UBE3C: variants seen among roughly 807,000 people sequenced by gnomAD.
UBE3C encodes the protein ubiquitin-protein ligase E3C.
A neutral mutation model predicts 129.4 loss-of-function variants in UBE3C; 42 were observed. The observed-to-expected ratio is 0.32, with a 90% CI of 0.25 to 0.42. UBE3C has a LOEUF of 0.42. Among genes scored for constraint, UBE3C ranks in the 10% least tolerant of loss-of-function variants. UBE3C has a pLI of 1.00. For synonymous variants in UBE3C, 510 were observed against 492.4 expected (o/e 1.04, Z -0.47); for missense variants, 1,049 against 1,319.1 (o/e 0.80, Z 3.17).
intron 2 of UBE3C, among the ~76,000 whole-genome samples, chr7:157,165,291 C>T (rs181463692): frequency 2.0e-3 from 297 of 152,082 alleles, no homozygotes; most frequent in Non-Finnish European, 3.9e-3. Flanking sequence ...CCCATATTTC[C>T]CTCATGTGCT....
At chr7:157,142,280 A>T (rs140963979) in intron 1 of UBE3C, among the ~76,000 whole-genome samples, 2,047 of 152,334 alleles carry the variant, frequency 0.013, 19 homozygotes, top group Admixed American at 0.022. Flanking sequence ...GCTTAGTGGA[A>T]AATGGAGTGG....
In UBE3C at chr7:157,163,318, C is replaced by T. The variant is rs1056329859; in HGVS notation, c.67-492C>T. ...AGGAGAATGGCGTGAACCCGGGAGG[C>T]GGAGCTTGCAGTGAGCCGAGATCAC... On this transcript the variant is annotated intron_variant, in intron 1 of 22. Coordinates refer to ENST00000348165, the MANE Select transcript of UBE3C (RefSeq NM_014671.3). Among the ~76,000 whole-genome samples, 3 of 142,422 alleles carry T rather than the reference C, an allele frequency of 2.1e-5. No homozygotes were observed. In the Admixed American group the frequency reaches 2.2e-4, roughly 11 times the overall value. 93.4% of individuals were successfully genotyped at this position (142,422 alleles called of 152,430 possible). A position where few individuals can be genotyped will look rare whatever the true frequency, so the allele number is the denominator to read the frequency against.
In UBE3C at chr7:157,256,948, C is replaced by T. The variant is rs1235686448; in HGVS notation, c.2985C>T (p.Val995=). 1 of 1,614,134 alleles carries T rather than the reference C, an allele frequency of 6.2e-7. No individual in the cohort carries two copies. Among genetic ancestry groups the T allele is most frequent in the South Asian group, 1.1e-5 (1 of 91,076 alleles). Residue 995 remains valine (V), a synonymous_variant, in exon 22 of 23, where the codon GTC becomes GTT. Coordinates refer to ENST00000348165, the MANE Select transcript of UBE3C (RefSeq NM_014671.3). ...GYSADHPVIK[V]FWRVVEGFTD... is the part of the protein sequence containing the mutation. ...CTGCAGACCATCCTGTTATTAAGGT[C>T]TTCTGGAGAGTTGTGGAAGGGTTCA...
At chr7:157,235,779 C>T (rs974974644) in intron 18 of UBE3C, among the ~76,000 whole-genome samples, 3 of 152,190 alleles carry the variant, frequency 2.0e-5, no homozygotes, top group African/African-American at 7.2e-5. Context: ...CCTTACATTA[C>T]TCTCTGTGTG....
intron 10 of UBE3C, chr7:157,192,806 T>C: frequency 7.7e-7 from 1 of 1,300,110 alleles, no homozygotes; most frequent in Non-Finnish European, 1.1e-6. Flanking sequence ...GTCTGACTAC[T>C]GCTTCAACAA....
intron 22 of UBE3C, among the ~76,000 whole-genome samples, chr7:157,263,938 A>AT (rs954419021): frequency 2.6e-5 from 4 of 151,634 alleles, no homozygotes; most frequent in African/African-American, 7.3e-5. Flanking sequence ...GATATGCATA[A>AT]TTTTTTCTGT....
chr7:157,252,203 G>A (rs1451145578), intron 19 of UBE3C, among the ~76,000 whole-genome samples: 1 of 152,056 alleles, frequency 6.6e-6, no homozygotes, highest in Non-Finnish European at 1.5e-5. Flanking sequence ...AGCCTTGGAA[G>A]TTCCTTTAAC....
chr7:157,144,178 A>G (rs1056102117), intron 1 of UBE3C, among the ~76,000 whole-genome samples: 2 of 152,342 alleles, frequency 1.3e-5, no homozygotes, highest in East Asian at 1.9e-4. Context: ...CACGCCTACA[A>G]TCTGCCACAC....
Position 157,174,911 on chromosome 7 carries a change from TG to T in UBE3C, c.343-7del, listed in dbSNP as rs755270074. On this transcript the variant is annotated splice_polypyrimidine_tract_variant and splice_region_variant and intron_variant, in intron 4 of 22. Transcript: ENST00000348165. ...GAGAGTTGTATATTTTATGTTTTGC[TG>T]TTTCAGATATGGCTGTATCAGAACT... 6.3e-7 allele frequency: 1 copy of T among 1,577,282 alleles called. No homozygotes were observed. The highest frequency in any genetic ancestry group is 8.6e-7 in the Non-Finnish European group (1 of 1,163,098).
intron 11 of UBE3C, among the ~76,000 whole-genome samples, chr7:157,204,354 C>A (rs928374681): frequency 2.0e-5 from 3 of 148,652 alleles, no homozygotes; most frequent in Non-Finnish European, 4.4e-5. Flanking sequence ...GACGAGATTG[C>A]GCCATTGCAC....
At position 157,207,546 on chromosome 7, in the gene UBE3C, C is replaced by G; in HGVS notation, c.1567C>G (p.Pro523Ala). 1 of 1,611,984 alleles carries G rather than the reference C, an allele frequency of 6.2e-7. No homozygotes were observed. The highest frequency in any genetic ancestry group is 8.5e-7 in the Non-Finnish European group (1 of 1,179,616). The change falls in exon 12 of 23, where the codon CCC becomes GCC. Residue 523 changes from proline (P) to alanine (A), a missense_variant. Pro to Ala is a conservative substitution (Grantham distance 27). Around this residue, in one of 4 missense-constraint regions of UBE3C, gnomAD observed 314 missense variants for 416.9 expected, o/e 0.75. Transcript: ENST00000348165. ...ACATGATAACGAATTCTTCGGTGATCCCATAGAAGGTAAGGATTTTGAGAA... is the reference window on the plus strand; with the variant it reads ...ACATGATAACGAATTCTTCGGTGATGCCATAGAAGGTAAGGATTTTGAGAA... ...SIHDNEFFGDPIEVVGQRQSS... is the reference protein window; with the variant it reads ...SIHDNEFFGDAIEVVGQRQSS...
intron 18 of UBE3C, among the ~76,000 whole-genome samples, chr7:157,239,199 CA>C (rs1486055666): frequency 1.3e-5 from 2 of 152,114 alleles, no homozygotes; most frequent in African/African-American, 4.8e-5. Flanking sequence ...CTGGAAACTA[CA>C]AAAATGTCCT....
At chr7:157,160,826 T>A (rs1808049115) in intron 1 of UBE3C, among the ~76,000 whole-genome samples, 1 of 152,180 alleles carries the variant, frequency 6.6e-6, no homozygotes. Flanking sequence ...TTAAACTGGA[T>A]TCTGTGAGGA....
rs202131998 is a variant in UBE3C, at chr7:157,186,892, C to T, written c.1202C>T (p.Thr401Ile). The change falls in exon 10 of 23, where the codon ACA (threonine) becomes ATA (isoleucine). Residue 401 changes from threonine (T) to isoleucine (I), a missense_variant. Thr to Ile is a moderately conservative substitution (Grantham distance 89). Coordinates refer to ENST00000348165, the MANE Select transcript of UBE3C (RefSeq NM_014671.3). ...GAGGAATGCCTGAAGAAGCTGGACA[C>T]AAAGCAGCAGACCAACACCCTGCTC... ...ITEECLKKLD[T>I]KQQTNTLLNL... 3.0e-5 allele frequency: 49 copies of T among 1,614,064 alleles called. No homozygotes were observed. Among genetic ancestry groups the T allele is most frequent in the Non-Finnish European group, 4.2e-5 (49 of 1,180,042 alleles).
chr7:157,158,155 G>C (rs1807969568), intron 1 of UBE3C, among the ~76,000 whole-genome samples: 2 of 148,164 alleles, frequency 1.3e-5, no homozygotes, highest in African/African-American at 5.0e-5. Flanking sequence ...GCCTCCCAAA[G>C]TGATGGAATT....
intron 1 of UBE3C, among the ~76,000 whole-genome samples, chr7:157,148,119 CAG>C (rs1238155643): frequency 2.6e-5 from 4 of 152,032 alleles, no homozygotes; most frequent in Non-Finnish European, 5.9e-5. Context: ...TTTTTTGAGA[CAG>C]AGTCTCCCTC....
intron 13 of UBE3C, among the ~76,000 whole-genome samples, chr7:157,209,973 G>A (rs1419285275): frequency 6.6e-6 from 1 of 152,234 alleles, no homozygotes; most frequent in Non-Finnish European, 1.5e-5. Context: ...GAGGTCAGGA[G>A]TTTGAGACCA....
At chr7:157,265,435 C>T (rs901253552) in intron 22 of UBE3C, among the ~76,000 whole-genome samples, 3 of 152,196 alleles carry the variant, frequency 2.0e-5, no homozygotes, top group South Asian at 4.1e-4. Context: ...AGGACCGACA[C>T]GCCCATAGGT....
intron 5 of UBE3C, 126 bp downstream of exon 5, chr7:157,175,160 AGGT>A: frequency 3.0e-6 from 1 of 329,380 alleles, no homozygotes. Flanking sequence ...TTTTTTTTTG[AGGT>A]CATGGACTTC....
Sources: allele counts gnomAD v4.1 joint callset (sites outside exome capture counted in the v4.1 genomes callset), GRCh38; gene constraint gnomAD v4.1.1; regional missense constraint gnomAD v4.1.1; transcripts MANE v1.5; gene names NCBI Gene and HGNC (gene_info 2026-07-23, HGNC 2026-07-21).